The following WWC1 variants were observed in gnomAD, a reference collection of about 807,000 sequenced individuals.
The protein encoded by WWC1 is protein KIBRA.
Under a neutral mutation model 138.4 loss-of-function variants are expected in WWC1, and 55 were observed. The observed-to-expected ratio is 0.40, with a 90% CI of 0.32 to 0.50. The LOEUF (loss-of-function observed/expected upper bound fraction) is 0.50. Among genes scored for constraint, WWC1 ranks in the 20% least tolerant of loss-of-function variants. The pLI is 0.72. For synonymous variants in WWC1, 524 were observed against 564.9 expected, an observed-to-expected ratio of 0.93 and a Z score of 1.03; for missense variants, 1,226 against 1,420.4, an observed-to-expected ratio of 0.86 and a Z score of 2.20.
chr5:168,459,240 G>A (rs923541988), intron 19 of WWC1, among the ~76,000 whole-genome samples: 1 of 137,478 alleles, frequency 7.3e-6, no homozygotes, highest in Non-Finnish European at 1.6e-5. Context: ...GGCGAAAGGA[G>A]TGAAACCCTG....
intron 3 of WWC1, among the ~76,000 whole-genome samples, chr5:168,391,668 AAAAC>A (rs1778510873): frequency 6.7e-6 from 1 of 148,872 alleles, no homozygotes; most frequent in African/African-American, 2.5e-5. Context: ...CAAAAAAAAA[AAAAC>A]AAAAAAACTA....
At chr5:168,348,415 A>G (rs971490024) in intron 1 of WWC1, among the ~76,000 whole-genome samples, 3 of 152,154 alleles carry the variant, frequency 2.0e-5, no homozygotes, top group African/African-American at 7.2e-5. Flanking sequence ...CCTTTAATCC[A>G]CAGCCGGATG....
At chr5:168,369,090 T>C (rs1049194760) in intron 1 of WWC1, among the ~76,000 whole-genome samples, 53 of 152,326 alleles carry the variant, frequency 3.5e-4, no homozygotes, top group African/African-American at 1.3e-3. Context: ...AGACCAGCCA[T>C]CTTGCTTGAA....
Position 168,448,331 on chromosome 5 carries a change from G to A in WWC1, c.2525+3746G>A, listed in dbSNP as rs113151490. ...CCTTCCTCGGCACCCAAAACCCGGC[G>A]TGTCACTGGTACTCCCTCTTTTTAT... is the stretch of plus-strand genomic sequence containing the variant. On this transcript the variant is annotated intron_variant, in intron 17 of 22. Coordinates refer to ENST00000265293, the MANE Select transcript of WWC1 (RefSeq NM_015238.3). 1.6e-3 allele frequency among the ~76,000 whole-genome samples: 241 copies of A among 152,256 alleles called. 2 individuals carry two copies. The East Asian group carries it at 0.027, about 17-fold the overall frequency.
At chr5:168,414,283 A>G in intron 8 of WWC1, 65 bp from the exon 9 acceptor site, 5 of 1,567,366 alleles carry the variant, frequency 3.2e-6, no homozygotes, top group Non-Finnish European at 4.3e-6. Flanking sequence ...CTGTTTCTTC[A>G]TGGCATCTCC....
chr5:168,342,365 C>G (rs1238614074), intron 1 of WWC1, among the ~76,000 whole-genome samples: 1 of 152,160 alleles, frequency 6.6e-6, no homozygotes, highest in Admixed American at 6.5e-5. Flanking sequence ...TCTAGGCAGG[C>G]AGGCACTTGG....
intron 2 of WWC1, 68 bp from the exon 3 acceptor site, chr5:168,385,143 T>C (rs1048387296): frequency 8.4e-6 from 13 of 1,554,032 alleles, no homozygotes; most frequent in Middle Eastern, 1.7e-4. Context: ...TGCTAGTGGA[T>C]ACCACAGGCC....
At chr5:168,339,833 T>TCTTTCTTTCTTTC (rs879455950) in intron 1 of WWC1, among the ~76,000 whole-genome samples, 47 of 25,124 alleles carry the variant, frequency 1.9e-3, no homozygotes, top group African/African-American at 4.6e-3. Context: ...TTTCTTTCTT[T>TCTTTCTTTCTTTC]TTCTTTTCTT....
chr5:168,328,512 C>T (rs1381004847), intron 1 of WWC1, among the ~76,000 whole-genome samples: 1 of 152,092 alleles, frequency 6.6e-6, no homozygotes, highest in Non-Finnish European at 1.5e-5. Context: ...AGAGCATTGC[C>T]ACTGACCTGC....
At chr5:168,429,061 G>C (rs886249276) in intron 13 of WWC1, among the ~76,000 whole-genome samples, 16 of 152,116 alleles carry the variant, frequency 1.1e-4, no homozygotes, top group African/African-American at 3.9e-4. Context: ...GCTGGTAGCA[G>C]AGCCAGGACT....
chr5:168,439,721 G>A (rs933536395), intron 15 of WWC1, among the ~76,000 whole-genome samples: 96 of 152,246 alleles, frequency 6.3e-4, no homozygotes, highest in African/African-American at 2.1e-3. Flanking sequence ...GCAGGTTTCT[G>A]CAGGTGTATC....
intron 1 of WWC1, among the ~76,000 whole-genome samples, chr5:168,340,214 T>C (rs993745675): frequency 6.6e-6 from 1 of 152,092 alleles, no homozygotes; most frequent in Admixed American, 6.6e-5. Context: ...TAGCTGGGAT[T>C]ACAGGCATGC....
chr5:168,407,787 G>A (rs1779909250), intron 6 of WWC1, among the ~76,000 whole-genome samples: 1 of 152,106 alleles, frequency 6.6e-6, no homozygotes, highest in South Asian at 2.1e-4. Context: ...AGTATGGGCT[G>A]TATTCACTAG....
At chr5:168,433,252 A>G (rs1318949164) in intron 15 of WWC1, among the ~76,000 whole-genome samples, 4 of 152,232 alleles carry the variant, frequency 2.6e-5, no homozygotes, top group African/African-American at 9.6e-5. Flanking sequence ...GGCTAAATGC[A>G]GATTCTGATT....
chr5:168,462,966 A>G (rs1241391541), intron 20 of WWC1, among the ~76,000 whole-genome samples: 3 of 152,252 alleles, frequency 2.0e-5, no homozygotes, highest in Admixed American at 2.0e-4. Flanking sequence ...TGTTCAACCT[A>G]GAAGAGCATT....
At chr5:168,377,735 A>G (rs547401570) in intron 2 of WWC1, among the ~76,000 whole-genome samples, 2 of 152,248 alleles carry the variant, frequency 1.3e-5, no homozygotes, top group African/African-American at 2.4e-5. Flanking sequence ...GCGAGATACC[A>G]TCTCACACCA....
At chr5:168,409,870 C>G in intron 7 of WWC1, 52 bp from the exon 8 acceptor site, 1 of 1,598,982 alleles carries the variant, frequency 6.3e-7, no homozygotes. Context: ...AAACCCAACT[C>G]AGCACCGGCC....
chr5:168,380,489 C>T (rs1777542949), intron 2 of WWC1, among the ~76,000 whole-genome samples: 2 of 152,006 alleles, frequency 1.3e-5, no homozygotes, highest in Non-Finnish European at 2.9e-5. Flanking sequence ...TACATACCCA[C>T]TATAATGACT....
chr5:168,304,906 A>G (rs2152743741), intron 1 of WWC1, among the ~76,000 whole-genome samples: 1 of 151,942 alleles, frequency 6.6e-6, no homozygotes, highest in East Asian at 1.9e-4. Flanking sequence ...GTTCACCGCA[A>G]CATTTGCCTC....
Sources: allele counts gnomAD v4.1 joint callset (sites outside exome capture counted in the v4.1 genomes callset), GRCh38; gene constraint gnomAD v4.1.1; transcripts MANE v1.5; gene names NCBI Gene and HGNC (gene_info 2026-07-23, HGNC 2026-07-21).